The following EGFLAM variants were observed in gnomAD, a reference collection of about 807,000 sequenced individuals.
EGFLAM encodes the protein pikachurin.
EGFLAM carries 79 observed loss-of-function variants against 113.1 expected under a neutral mutation model. The ratio of observed to expected loss-of-function variants is 0.70; its 90% CI spans 0.58 to 0.84. The LOEUF is 0.84. Ranked by LOEUF, EGFLAM falls within the 40% of genes least tolerant of loss-of-function variation. The pLI is 0.00. For synonymous variants in EGFLAM, 504 were observed against 487.6 expected (o/e 1.03, Z -0.44); for missense variants, 1,265 against 1,291.6 (o/e 0.98, Z 0.32).
At chr5:38,361,326 C>T (rs1416226180) in intron 5 of EGFLAM, among the ~76,000 whole-genome samples, 1 of 152,182 alleles carries the variant, frequency 6.6e-6, no homozygotes, top group Non-Finnish European at 1.5e-5. Context: ...GTTAGCTATA[C>T]CTCCAACATT....
chr5:38,286,500 A>G (rs1426354617), intron 1 of EGFLAM: 1 of 152,210 alleles, frequency 6.6e-6, no homozygotes, highest in Non-Finnish European at 1.5e-5. Context: ...TAGGGGAAGT[A>G]AGATGTGAGC....
chr5:38,380,528 C>T (rs933854918), intron 6 of EGFLAM, among the ~76,000 whole-genome samples: 2 of 152,176 alleles, frequency 1.3e-5, no homozygotes, highest in Non-Finnish European at 2.9e-5. Context: ...CAGTGAGCTT[C>T]ATGGATTTGT....
At chr5:38,376,646 CTTTCTCCT>C (rs2112049538) in intron 6 of EGFLAM, among the ~76,000 whole-genome samples, 1 of 152,256 alleles carries the variant, frequency 6.6e-6, no homozygotes, top group Non-Finnish European at 1.5e-5. Flanking sequence ...AGCCTCCTCC[CTTTCTCCT>C]TTCAGATCCT....
rs769241310 is a variant in EGFLAM, at chr5:38,370,376, A to T, written c.626A>T (p.Asp209Val). 2 of 1,614,202 alleles carry T rather than the reference A, an allele frequency of 1.2e-6. No homozygotes were observed. Among genetic ancestry groups the T allele is most frequent in the Admixed American group, 3.3e-5 (2 of 60,020 alleles). ...ATGGTTATCAAGGGCCTCGATCCAG[A>T]TACCAACTACCAGTTTGCCGTGAGG... ...DSMVIKGLDP[D>V]TNYQFAVRAM... The change falls in exon 6 of 22, where the codon GAT (aspartate) becomes GTT (valine). Residue 209 changes from aspartate (D) to valine (V), a missense_variant. Coordinates refer to ENST00000322350, the MANE Select transcript of EGFLAM (RefSeq NM_152403.4).
chr5:38,335,680 C>T (rs1023872598), intron 1 of EGFLAM, among the ~76,000 whole-genome samples: 1 of 152,124 alleles, frequency 6.6e-6, no homozygotes, highest in South Asian at 2.1e-4. Context: ...TGGTGACAAT[C>T]GTAGGTGTAT....
intron 1 of EGFLAM, among the ~76,000 whole-genome samples, chr5:38,332,490 C>T (rs1739072019): frequency 6.6e-6 from 1 of 152,132 alleles, no homozygotes; most frequent in East Asian, 1.9e-4. Flanking sequence ...GTTGGGGAGA[C>T]CCTAACCCAG....
intron 6 of EGFLAM, among the ~76,000 whole-genome samples, chr5:38,388,609 A>ATATATAT (rs1561062317): frequency 5.3e-5 from 8 of 151,544 alleles, no homozygotes; most frequent in African/African-American, 1.9e-4. Context: ...TGTATATATA[A>ATATATAT]ATTAGCCCGG....
intron 1 of EGFLAM, among the ~76,000 whole-genome samples, chr5:38,269,187 A>G (rs1013077635): frequency 6.6e-6 from 1 of 152,048 alleles, no homozygotes; most frequent in African/African-American, 2.4e-5. Flanking sequence ...ATCAACAGCA[A>G]CAACAACAAC....
chr5:38,263,522 T>G (rs1582918), intron 1 of EGFLAM, among the ~76,000 whole-genome samples: 53 of 152,286 alleles, frequency 3.5e-4, no homozygotes, highest in African/African-American at 9.9e-4. Flanking sequence ...TTTGAGTGTT[T>G]TTTGTATGTT....
Position 38,406,934 on chromosome 5 carries a change from C to T in EGFLAM, c.935C>T (p.Thr312Ile). Residue 312 changes from threonine to isoleucine, a missense_variant, in exon 8 of 22, where the codon ACC becomes ATC. Transcript: ENST00000322350. ...PKTISRLIPP[T>I]SASLPVTTVA... ...ACCATTTCTAGGCTCATCCCCCCTA[C>T]CTCAGCATCTCTCCCTGTGACCACG... The T allele has an allele frequency of 1.2e-6, 2 of 1,614,212 alleles. No homozygotes were observed. Among genetic ancestry groups the T allele is most frequent in the Non-Finnish European group, 1.7e-6 (2 of 1,180,044 alleles).
chr5:38,275,598 G>A (rs1320241949), intron 1 of EGFLAM, among the ~76,000 whole-genome samples: 2 of 152,184 alleles, frequency 1.3e-5, no homozygotes, highest in Admixed American at 6.5e-5. Flanking sequence ...TGAAGGGAGA[G>A]ATAGATTGCA....
At chr5:38,274,392 C>T (rs1380774852) in intron 1 of EGFLAM, among the ~76,000 whole-genome samples, 3 of 152,094 alleles carry the variant, frequency 2.0e-5, no homozygotes, top group Admixed American at 2.0e-4. Flanking sequence ...AAGGCTGTCT[C>T]AGGACATATT....
chr5:38,402,377 C>T (rs897632785), intron 6 of EGFLAM, among the ~76,000 whole-genome samples: 1 of 152,184 alleles, frequency 6.6e-6, no homozygotes, highest in Admixed American at 6.5e-5. Flanking sequence ...TCTATATCTC[C>T]ACTTGGTAAA....
intron 1 of EGFLAM, among the ~76,000 whole-genome samples, chr5:38,272,889 T>C (rs1468410296): frequency 6.6e-6 from 1 of 152,182 alleles, no homozygotes; most frequent in Non-Finnish European, 1.5e-5. Context: ...TACCAATGTC[T>C]GAAATTTACT....
At chr5:38,438,652 A>G (rs1406540713) in intron 17 of EGFLAM, among the ~76,000 whole-genome samples, 197 bp downstream of exon 17, 11 of 152,238 alleles carry the variant, frequency 7.2e-5, no homozygotes, top group Admixed American at 7.2e-4. Context: ...TAAATGCTGA[A>G]ATACTTCTGC....
intron 12 of EGFLAM, among the ~76,000 whole-genome samples, chr5:38,421,739 T>C (rs1040944997): frequency 2.3e-4 from 35 of 152,126 alleles, no homozygotes; most frequent in African/African-American, 8.2e-4. Flanking sequence ...TTGTAGGGTC[T>C]GGGGGCCAGG....
At chr5:38,408,867 G>T in intron 9 of EGFLAM, 137 bp from the exon 10 acceptor site, 1 of 732,454 alleles carries the variant, frequency 1.4e-6, no homozygotes. Context: ...GTGAATTGGA[G>T]CCCACATGCT....
chr5:38,443,368 G>A (rs946487753), intron 17 of EGFLAM, among the ~76,000 whole-genome samples: 2 of 152,164 alleles, frequency 1.3e-5, no homozygotes, highest in African/African-American at 2.4e-5. Flanking sequence ...CCAACTACAT[G>A]AGCCAAATTC....
chr5:38,453,803 C>G lies in EGFLAM; in HGVS notation c.2687+2345C>G, dbSNP rs560203485. 3.9e-5 allele frequency among the ~76,000 whole-genome samples: 6 copies of G among 152,276 alleles called. No homozygotes were observed. The South Asian group carries it at 1.2e-3, about 32-fold the overall frequency. ...AGCTGTGGGTGGGATGGTCCAACTT[C>G]CCCCTAAACTGCCAGCTGAATCTAT... On this transcript the variant is annotated intron_variant, in intron 19 of 21. Transcript: ENST00000322350.
Sources: allele counts gnomAD v4.1 joint callset (sites outside exome capture counted in the v4.1 genomes callset), GRCh38; gene constraint gnomAD v4.1.1; transcripts MANE v1.5; gene names NCBI Gene and HGNC (gene_info 2026-07-23, HGNC 2026-07-21).